PPP2R2B: variants seen among roughly 807,000 people sequenced by gnomAD.
PPP2R2B encodes serine/threonine-protein phosphatase 2A 55 kDa regulatory subunit B beta isoform.
In PPP2R2B, 5 loss-of-function variants were observed where a neutral mutation model predicts 46.0. The observed-to-expected ratio is 0.11, with a 90% CI of 0.06 to 0.23. The LOEUF (loss-of-function observed/expected upper bound fraction) is 0.23, where lower values mean the gene tolerates loss of function less well. Ranked by LOEUF, PPP2R2B falls within the 10% of genes least tolerant of loss-of-function variation. PPP2R2B has a pLI of 1.00. For missense variants in PPP2R2B, 367 were observed against 575.0 expected (o/e 0.64, Z 3.70); for synonymous variants, 215 against 206.7 (o/e 1.04, Z -0.34).
chr5:147,077,706 G>C (rs867624285), intron 2 of PPP2R2B, among the ~76,000 whole-genome samples: 2 of 152,180 alleles, frequency 1.3e-5, no homozygotes, highest in Non-Finnish European at 2.9e-5. Flanking sequence ...GCCAGTGGCT[G>C]TGTGTTTGTG....
At position 146,733,266 on chromosome 5, in the gene PPP2R2B, G is replaced by T. The variant is rs145364109; in HGVS notation, c.71-32124C>A. Among the ~76,000 whole-genome samples the T allele has an allele frequency of 7.9e-4, 121 of 152,210 alleles. 1 individual carries two copies. The highest frequency in any genetic ancestry group is 2.6e-3 in the African/African-American group (108 of 41,536). ...CCAGTATTTCCAAAGTACAGGGCTG[G>T]GTGGTCAAAAAACAGTGGCAGTATG... On this transcript the variant is annotated intron_variant, in intron 2 of 9. Transcript: ENST00000394411.
chr5:147,008,417 G>T (rs1164578145), intron 1 of PPP2R2B, among the ~76,000 whole-genome samples: 1 of 152,084 alleles, frequency 6.6e-6, no homozygotes, highest in Non-Finnish European at 1.5e-5. Flanking sequence ...AACACCTTAT[G>T]AAGGTCTATT....
At chr5:146,985,484 C>A (rs1223343645) in intron 1 of PPP2R2B, among the ~76,000 whole-genome samples, 2 of 152,080 alleles carry the variant, frequency 1.3e-5, no homozygotes, top group African/African-American at 4.8e-5. Flanking sequence ...TTGCCTAAAC[C>A]AATGTCATGT....
intron 7 of PPP2R2B, among the ~76,000 whole-genome samples, chr5:146,636,273 G>A (rs1774816914): frequency 6.6e-6 from 1 of 152,110 alleles, no homozygotes; most frequent in Non-Finnish European, 1.5e-5. Context: ...GAGGATATGG[G>A]GGTATACTAA....
At chr5:147,069,785 GTTTTTTTTT>G (rs540998224) in intron 2 of PPP2R2B, among the ~76,000 whole-genome samples, 15 of 64,790 alleles carry the variant, frequency 2.3e-4, no homozygotes, top group African/African-American at 1.1e-3. Context: ...ATTTTATACT[GTTTTTTTTT>G]TTTTTTTTTT....
At chr5:146,594,893 G>A (rs750147893) in intron 8 of PPP2R2B, among the ~76,000 whole-genome samples, 1 of 152,178 alleles carries the variant, frequency 6.6e-6, no homozygotes, top group Non-Finnish European at 1.5e-5. Context: ...GTGATGATTC[G>A]ATCTCTTTTT....
At chr5:146,824,738 CTTT>C (rs201658038) in intron 2 of PPP2R2B, among the ~76,000 whole-genome samples, 11 of 142,912 alleles carry the variant, frequency 7.7e-5, no homozygotes, top group Admixed American at 1.4e-4. Flanking sequence ...AGAATCAATA[CTTT>C]TTTTTTTTTT....
chr5:147,038,293 G>A (rs1020146752), intron 1 of PPP2R2B, among the ~76,000 whole-genome samples: 1 of 152,140 alleles, frequency 6.6e-6, no homozygotes, highest in African/African-American at 2.4e-5. Context: ...TAACATGAAT[G>A]GGTGATAAAA....
chr5:147,026,209 C>T (rs1469168043), intron 1 of PPP2R2B, among the ~76,000 whole-genome samples: 3 of 152,042 alleles, frequency 2.0e-5, no homozygotes, highest in Non-Finnish European at 4.4e-5. Flanking sequence ...ATAATAATAG[C>T]CCCAAACTGG....
At position 146,870,516 on chromosome 5, in the gene PPP2R2B, C is replaced by T. The variant is rs545041842; in HGVS notation, c.70+7486G>A. Among the ~76,000 whole-genome samples, 259 of 152,270 alleles carry T rather than the reference C, an allele frequency of 1.7e-3. 1 individual carries two copies. The highest frequency in any genetic ancestry group is 5.4e-3 in the African/African-American group (224 of 41,552). ...AAACCAACCATGCTGGCACCTTGAT[C>T]GTGGACTTCCAGACTCCAGAAATGT... is the stretch of plus-strand genomic sequence containing the variant. On this transcript the variant is annotated intron_variant, in intron 2 of 9. Coordinates refer to ENST00000394411, the MANE Select transcript of PPP2R2B (RefSeq NM_181675.4).
At chr5:147,019,568 G>A (rs1755164604) in intron 1 of PPP2R2B, among the ~76,000 whole-genome samples, 1 of 151,952 alleles carries the variant, frequency 6.6e-6, no homozygotes, top group African/African-American at 2.4e-5. Context: ...TGGCCAAATA[G>A]TTTTACTTTG....
intron 5 of PPP2R2B, among the ~76,000 whole-genome samples, chr5:146,662,480 C>G (rs183831264): frequency 1.3e-5 from 2 of 152,116 alleles, no homozygotes; most frequent in Non-Finnish European, 2.9e-5. Context: ...AAAACTGATG[C>G]CTGCCTCCCC....
chr5:146,791,362 ATAT>A (rs1353965356), intron 2 of PPP2R2B, among the ~76,000 whole-genome samples: 2 of 152,038 alleles, frequency 1.3e-5, no homozygotes, highest in Non-Finnish European at 2.9e-5. Flanking sequence ...TATTAAGAAA[ATAT>A]TATTTTTCAT....
chr5:146,811,894 A>G (rs1405854047), intron 2 of PPP2R2B, among the ~76,000 whole-genome samples: 1 of 151,928 alleles, frequency 6.6e-6, no homozygotes, highest in Non-Finnish European at 1.5e-5. Context: ...ATCTGTCACT[A>G]TCACACTAAA....
At chr5:146,917,191 G>T (rs1267991222) in intron 1 of PPP2R2B, among the ~76,000 whole-genome samples, 1 of 152,178 alleles carries the variant, frequency 6.6e-6, no homozygotes, top group Non-Finnish European at 1.5e-5. Flanking sequence ...CTGCATCATA[G>T]TTGCTCCTGT....
At chr5:146,690,004 A>G (rs772093969) in intron 5 of PPP2R2B, among the ~76,000 whole-genome samples, 1 of 152,266 alleles carries the variant, frequency 6.6e-6, no homozygotes, top group Non-Finnish European at 1.5e-5. Flanking sequence ...TCAATAAATG[A>G]ATTATTAAAC....
chr5:146,825,030 CAAT>C (rs1758489153), intron 2 of PPP2R2B, among the ~76,000 whole-genome samples: 1 of 152,124 alleles, frequency 6.6e-6, no homozygotes, highest in African/African-American at 2.4e-5. Flanking sequence ...AGCCAAAAAT[CAAT>C]AATTTTAAAT....
chr5:146,863,969 G>C (rs1410385339), intron 2 of PPP2R2B, among the ~76,000 whole-genome samples: 7 of 152,084 alleles, frequency 4.6e-5, no homozygotes, highest in Non-Finnish European at 8.8e-5. Context: ...AAGTGGAAAA[G>C]GGCCATAGCA....
At chr5:146,621,075 G>A (rs574799910) in intron 7 of PPP2R2B, among the ~76,000 whole-genome samples, 1 of 152,226 alleles carries the variant, frequency 6.6e-6, no homozygotes, top group Non-Finnish European at 1.5e-5. Context: ...AGCTGAGTAC[G>A]ACAGCCCATC....
Sources: gnomAD v4.1 joint callset for allele counts (sites outside exome capture counted in the v4.1 genomes callset) on GRCh38, gnomAD v4.1.1 for gene constraint, MANE v1.5 for transcripts, NCBI Gene and HGNC (gene_info 2026-07-23, HGNC 2026-07-21) for gene names.